ZFR2: variants seen among roughly 807,000 people sequenced by gnomAD.
The protein encoded by ZFR2 is zinc finger RNA binding protein 2.
ZFR2 carries 104 observed loss-of-function variants against 105.7 expected under a neutral mutation model. The observed-to-expected ratio is 0.98, with a 90% CI of 0.84 to 1.16. The LOEUF (loss-of-function observed/expected upper bound fraction) is 1.16, where lower values mean the gene tolerates loss of function less well. Ranked by LOEUF, ZFR2 falls within the 50% of genes most tolerant of loss-of-function variation. The pLI, the probability that ZFR2 is intolerant of heterozygous loss-of-function variation, is 0.00. For missense variants in ZFR2, 1,425 were observed against 1,355.5 expected, an observed-to-expected ratio of 1.05 and a Z score of -0.80; for synonymous variants, 634 against 597.7, an observed-to-expected ratio of 1.06 and a Z score of -0.89.
chr19:3,815,696 G>A (rs1221133425), intron 13 of ZFR2, among the ~76,000 whole-genome samples: 1 of 151,294 alleles, frequency 6.6e-6, no homozygotes, highest in Non-Finnish European at 1.5e-5. Flanking sequence ...GGATTCTCCC[G>A]CTTCAGCTCC....
At chr19:3,868,152 C>T (rs2038455091) in intron 1 of ZFR2, among the ~76,000 whole-genome samples, 1 of 148,118 alleles carries the variant, frequency 6.8e-6, no homozygotes, top group African/African-American at 2.5e-5. Context: ...TCCGCTCTAG[C>T]TCTCCCCCTG....
At chr19:3,825,660 G>A (rs1046511144) in intron 6 of ZFR2, among the ~76,000 whole-genome samples, 6 of 151,650 alleles carry the variant, frequency 4.0e-5, no homozygotes, top group East Asian at 2.0e-4. Flanking sequence ...GTGTGAGCAC[G>A]TGGCTCACCG....
rs1287044254 is a variant in ZFR2, at chr19:3,813,882, C to T, written c.2180G>A (p.Arg727Lys). 1 of 1,613,926 alleles carries T rather than the reference C, an allele frequency of 6.2e-7. No homozygotes were observed. Among genetic ancestry groups the T allele is most frequent in the Non-Finnish European group, 8.5e-7 (1 of 1,179,864 alleles). ...NIVISSCEEP[R>K]MQVTISVTSP... is the part of the protein sequence containing the mutation. ...GGTGACAGATATGGTGACCTGCATCCTGGGCTCCTCACAGGAGGAGATGAC... is the reference window on the plus strand; with the variant it reads ...GGTGACAGATATGGTGACCTGCATCTTGGGCTCCTCACAGGAGGAGATGAC... The change falls in exon 14 of 19, where the codon AGG becomes AAG. Residue 727 changes from arginine to lysine, a missense_variant. Arg to Lys is a conservative substitution (Grantham distance 26). Transcript: ENST00000262961. This position sits in a 1 kb window ranked among gnomAD's most constrained non-coding sequence, Gnocchi z 4.4.
rs538187072 is a variant in ZFR2 at position 3,811,130 on chromosome 19, G to A, written c.2337+142C>T. 72 of 857,934 alleles carry A rather than the reference G, an allele frequency of 8.4e-5. 1 individual carries two copies. In the African/African-American group the frequency reaches 9.6e-4, roughly 11 times the overall value. 53.1% of individuals were successfully genotyped at this position (857,934 alleles called of 1,614,324 possible). A position where few individuals can be genotyped will look rare whatever the true frequency, so the allele number is the denominator to read the frequency against. On this transcript the variant is annotated intron_variant, in intron 15 of 18. Transcript: ENST00000262961. ...AGCGTTGGTTGTCAAGTCAGCACTC[G>A]GCCAGGAAGCTGATGGCAGGCGTCC...
intron 1 of ZFR2, among the ~76,000 whole-genome samples, chr19:3,850,067 G>T (rs1568430907): frequency 6.6e-6 from 1 of 152,154 alleles, no homozygotes; most frequent in Non-Finnish European, 1.5e-5. Context: ...CCGCCACTCT[G>T]CTGTCTGATG....
At chr19:3,827,767 T>G (rs755276685) in intron 5 of ZFR2, 114 bp from the exon 6 acceptor site, 5 of 1,197,824 alleles carry the variant, frequency 4.2e-6, no homozygotes, top group Non-Finnish European at 5.8e-6. Context: ...AGAGGCCCGC[T>G]GTCCCCAACC....
chr19:3,814,238 A>C (rs2037802303), intron 13 of ZFR2, among the ~76,000 whole-genome samples: 1 of 152,206 alleles, frequency 6.6e-6, no homozygotes, highest in Non-Finnish European at 1.5e-5. Flanking sequence ...AATAACAAGA[A>C]GACCAGCAAT....
rs776075359 is a variant in ZFR2, at chr19:3,808,144, CGT to C, written c.2545+726_2545+727del. On this transcript the variant is annotated intron_variant, in intron 17 of 18. Transcript: ENST00000262961. ...ATGTGTGCCCGTGCGTATGTGTGCCCGTGTGTGCAAGTATGTCCATGTGTGTG... is the reference window on the plus strand; with the variant it reads ...ATGTGTGCCCGTGCGTATGTGTGCCCGTGTGCAAGTATGTCCATGTGTGTG... Among the ~76,000 whole-genome samples, 16 of 147,480 alleles carry C rather than the reference CGT, an allele frequency of 1.1e-4. No homozygotes were observed. The South Asian group carries it at 2.8e-3, about 26-fold the overall frequency.
intron 3 of ZFR2, 59 bp downstream of exon 3, chr19:3,833,605 T>C: frequency 7.4e-7 from 1 of 1,345,890 alleles, no homozygotes. Context: ...TTCCCAAGGT[T>C]TCCCTGTGCT....
chr19:3,843,492 A>G (rs2038154570), intron 1 of ZFR2, among the ~76,000 whole-genome samples: 1 of 148,092 alleles, frequency 6.8e-6, no homozygotes, highest in African/African-American at 2.5e-5. Flanking sequence ...ATGAATGAAC[A>G]TAACGTGGTC....
intron 1 of ZFR2, among the ~76,000 whole-genome samples, chr19:3,857,678 G>A (rs1284588850): frequency 1.5e-5 from 2 of 135,364 alleles, no homozygotes; most frequent in African/African-American, 5.9e-5. Context: ...CCTGGGCAAT[G>A]AAGCGAGACC....
At chr19:3,816,277 GCT>G (rs1490870921) in intron 13 of ZFR2, among the ~76,000 whole-genome samples, 8 of 130,596 alleles carry the variant, frequency 6.1e-5, no homozygotes, top group Non-Finnish European at 9.3e-5. Flanking sequence ...ACCCAGTCTC[GCT>G]CTGTCGCCCA....
In ZFR2 at chr19:3,838,257, A is replaced by G. The variant is rs1177681536; in HGVS notation, c.54-3274T>C. Among the ~76,000 whole-genome samples, 1 of 152,152 alleles carries G rather than the reference A, an allele frequency of 6.6e-6. No homozygotes were observed. The highest frequency in any genetic ancestry group is 2.4e-5 in the African/African-American group (1 of 41,436). ...CTGACATTTGATGAACACTGTGACT[A>G]TGGACACTGAATGAACAGCATGACT... On this transcript the variant is annotated intron_variant, in intron 1 of 18. Coordinates refer to ENST00000262961, the MANE Select transcript of ZFR2 (RefSeq NM_015174.2). This position sits in a 1 kb window ranked among gnomAD's most constrained non-coding sequence, Gnocchi z 4.9.
At chr19:3,855,415 AAAGCAGTCCCGGGC>A in intron 1 of ZFR2, 1 of 1,231,702 alleles carries the variant, frequency 8.1e-7, no homozygotes, top group African/African-American at 1.5e-5. Flanking sequence ...ACAGAAAGTG[AAAGCAGTCCCGGGC>A]GATCCGGCGG....
intron 11 of ZFR2, among the ~76,000 whole-genome samples, chr19:3,819,793 A>G (rs2037868838): frequency 6.7e-6 from 1 of 150,168 alleles, no homozygotes; most frequent in Non-Finnish European, 1.5e-5. Context: ...CAGAGGTTGC[A>G]GTGAGGCCAC....
In ZFR2 at chr19:3,816,794, G is replaced by T. The variant is rs1390985280; in HGVS notation, c.1983C>A (p.Ile661=). The change falls in exon 13 of 19, where the codon ATC becomes ATA. Residue 661 remains isoleucine, a synonymous_variant. Transcript: ENST00000262961. ...RVLKGVMRVG[I]LAKGLLLRGD... ...CACGCAGGAGGAGGCCTTTCGCCAGGATGCCTACTCGCATGACGCCTTTCA... is the reference window on the plus strand; with the variant it reads ...CACGCAGGAGGAGGCCTTTCGCCAGTATGCCTACTCGCATGACGCCTTTCA... 1 of 1,598,402 alleles carries T rather than the reference G, an allele frequency of 6.3e-7. No homozygotes were observed. Among genetic ancestry groups the T allele is most frequent in the Non-Finnish European group, 8.5e-7 (1 of 1,173,848 alleles).
At chr19:3,819,625 G>A (rs1415918780) in intron 11 of ZFR2, among the ~76,000 whole-genome samples, 20 of 152,140 alleles carry the variant, frequency 1.3e-4, no homozygotes, top group Admixed American at 7.9e-4. Flanking sequence ...AGGCCGAGGC[G>A]GGCGGATCAC....
intron 1 of ZFR2, among the ~76,000 whole-genome samples, chr19:3,856,365 G>C (rs2038301469): frequency 6.6e-6 from 1 of 152,160 alleles, no homozygotes; most frequent in South Asian, 2.1e-4. Context: ...CTGCGCTGGA[G>C]TCAGAAACTG....
intron 16 of ZFR2, among the ~76,000 whole-genome samples, chr19:3,810,265 TG>T (rs1203037788): frequency 6.6e-6 from 1 of 152,132 alleles, no homozygotes; most frequent in Non-Finnish European, 1.5e-5. Flanking sequence ...AGCGTGGGCA[TG>T]GGGCGTGCTC....
Sources: gnomAD v4.1 joint callset for allele counts (sites outside exome capture counted in the v4.1 genomes callset) on GRCh38, gnomAD v4.1.1 for gene constraint, Gnocchi (gnomAD v3.1) non-coding constraint, MANE v1.5 for transcripts, NCBI Gene and HGNC (gene_info 2026-07-23, HGNC 2026-07-21) for gene names.